The following ARID1B variants were observed in gnomAD, a reference collection of about 807,000 sequenced individuals.
ARID1B encodes the protein AT-rich interactive domain-containing protein 1B.
A neutral mutation model predicts 212.3 loss-of-function variants in ARID1B; 30 were observed. The ratio of observed to expected loss-of-function variants is 0.14; its 90% CI spans 0.11 to 0.19. ARID1B has a LOEUF of 0.19. Among genes scored for constraint, ARID1B ranks in the 10% least tolerant of loss-of-function variants. The pLI, the probability that ARID1B is intolerant of heterozygous loss-of-function variation, is 1.00. For missense variants in ARID1B, 2,891 were observed against 3,204.0 expected (o/e 0.90, Z 2.36); for synonymous variants, 1,402 against 1,301.7 (o/e 1.08, Z -1.66).
intron 4 of ARID1B, chr6:157,036,826 T>C (rs1165248389): frequency 6.0e-6 from 3 of 498,084 alleles, no homozygotes; most frequent in Admixed American, 4.6e-5. Flanking sequence ...TTTTTCCTTA[T>C]GATTTCAGGT....
intron 3 of ARID1B, among the ~76,000 whole-genome samples, chr6:156,920,067 C>T (rs999089235): frequency 3.3e-5 from 5 of 152,224 alleles, no homozygotes; most frequent in African/African-American, 1.2e-4. Flanking sequence ...GTTTTTAGTC[C>T]TAGTTCCCCA....
chr6:157,111,810 T>C (rs757031943), intron 6 of ARID1B, among the ~76,000 whole-genome samples: 6 of 152,202 alleles, frequency 3.9e-5, no homozygotes, highest in Non-Finnish European at 7.4e-5. Flanking sequence ...GTCGATAATA[T>C]AATGTTTTAA....
At chr6:157,165,647 G>A (rs1464241143) in intron 8 of ARID1B, among the ~76,000 whole-genome samples, 2 of 152,080 alleles carry the variant, frequency 1.3e-5, no homozygotes, top group East Asian at 1.9e-4. Flanking sequence ...TTAGGAGTTC[G>A]AGACTGGCCT....
intron 4 of ARID1B, among the ~76,000 whole-genome samples, chr6:157,037,657 GTAAGCTAT>G (rs1006194400): frequency 2.1e-4 from 32 of 152,184 alleles, no homozygotes; most frequent in African/African-American, 7.7e-4. Flanking sequence ...ATAAAAAATG[GTAAGCTAT>G]TAAAAGATTT....
Position 156,840,050 on chromosome 6 carries a change from A to G in ARID1B, c.1986+10629A>G, listed in dbSNP as rs192872378. 2.8e-3 allele frequency among the ~76,000 whole-genome samples: 419 copies of G among 152,246 alleles called. 3 individuals carry two copies. The highest frequency in any genetic ancestry group is 2.3e-3 in the Non-Finnish European group (159 of 68,010). On this transcript the variant is annotated intron_variant, in intron 2 of 19. Coordinates refer to ENST00000636930, the MANE Select transcript of ARID1B (RefSeq NM_001374828.1). ...CACAGAATTGTTCTCGACAGTTCCA[A>G]AGTTTTTCTTGTGTAGAAATTTCCC... is the stretch of plus-strand genomic sequence containing the variant.
chr6:156,968,380 T>C (rs1794917305), intron 4 of ARID1B, among the ~76,000 whole-genome samples: 1 of 152,236 alleles, frequency 6.6e-6, no homozygotes, highest in South Asian at 2.1e-4. Flanking sequence ...TTGGGGAAGA[T>C]GAATGCAGAA....
At chr6:156,979,520 T>G (rs1483526839) in intron 4 of ARID1B, among the ~76,000 whole-genome samples, 3 of 152,130 alleles carry the variant, frequency 2.0e-5, no homozygotes, top group African/African-American at 7.2e-5. Context: ...ACATTAGTGA[T>G]TTGCATGAAA....
At chr6:156,821,805 A>G (rs1782372669) in intron 1 of ARID1B, among the ~76,000 whole-genome samples, 1 of 152,198 alleles carries the variant, frequency 6.6e-6, no homozygotes, top group African/African-American at 2.4e-5. Flanking sequence ...CCATGGTTCC[A>G]CAAATACATA....
In ARID1B at chr6:157,084,201, T is replaced by A. The variant is rs372125014; in HGVS notation, c.2248-461T>A. Among the ~76,000 whole-genome samples, 26 of 150,908 alleles carry A rather than the reference T, an allele frequency of 1.7e-4. No homozygotes were observed. The South Asian group carries it at 5.3e-3, about 31-fold the overall frequency. On this transcript the variant is annotated intron_variant, in intron 4 of 19. Coordinates refer to ENST00000636930, the MANE Select transcript of ARID1B (RefSeq NM_001374828.1). ...GGTCAAAATTGTGACTGCTATTACA[T>A]TACAATATCCTAGTTTGAAATTCAC...
chr6:157,024,532 C>A (rs764301826), intron 4 of ARID1B: 2 of 152,142 alleles, frequency 1.3e-5, no homozygotes, highest in Non-Finnish European at 2.9e-5. Flanking sequence ...GAGACTGAGG[C>A]GGGCAGATCA....
chr6:157,049,207 A>AT (rs1415349881), intron 4 of ARID1B, among the ~76,000 whole-genome samples: 2 of 150,470 alleles, frequency 1.3e-5, no homozygotes, highest in Non-Finnish European at 3.0e-5. Context: ...TGCTGCCTTG[A>AT]TTTGCTGCTC....
intron 7 of ARID1B, among the ~76,000 whole-genome samples, chr6:157,134,463 C>A (rs765257304): frequency 2.6e-5 from 4 of 152,184 alleles, no homozygotes; most frequent in African/African-American, 9.6e-5. Context: ...CTGTATAGAG[C>A]CTCTCCTGCC....
At chr6:157,140,343 G>A (rs1445079749) in intron 7 of ARID1B, among the ~76,000 whole-genome samples, 1 of 151,966 alleles carries the variant, frequency 6.6e-6, no homozygotes, top group Admixed American at 6.6e-5. Flanking sequence ...GGTGGCACGC[G>A]CCTGTAATCC....
chr6:157,113,708 G>A (rs1483556255), intron 6 of ARID1B, among the ~76,000 whole-genome samples: 1 of 152,180 alleles, frequency 6.6e-6, no homozygotes, highest in Non-Finnish European at 1.5e-5. Flanking sequence ...AGATTTGGGT[G>A]GGGACACAAA....
intron 4 of ARID1B, among the ~76,000 whole-genome samples, chr6:156,968,996 C>T (rs912818734): frequency 4.6e-5 from 7 of 152,206 alleles, no homozygotes; most frequent in Admixed American, 1.3e-4. Context: ...GCTCCACATG[C>T]GCACAGTTGC....
chr6:156,986,556 T>C (rs1777929564), intron 4 of ARID1B, among the ~76,000 whole-genome samples: 1 of 152,202 alleles, frequency 6.6e-6, no homozygotes, highest in Admixed American at 6.5e-5. Context: ...TTCAGTTTCC[T>C]TACCTACAAA....
intron 4 of ARID1B, among the ~76,000 whole-genome samples, chr6:156,991,426 T>C (rs1053574381): frequency 6.6e-6 from 1 of 152,074 alleles, no homozygotes. Context: ...GAGATGGGGT[T>C]TCACCATGTT....
intron 2 of ARID1B, among the ~76,000 whole-genome samples, chr6:156,890,186 C>T (rs184002339): frequency 5.9e-5 from 9 of 152,260 alleles, no homozygotes; most frequent in African/African-American, 1.7e-4. Context: ...ATATTCACTC[C>T]GCAGAACATT....
intron 4 of ARID1B, among the ~76,000 whole-genome samples, chr6:157,063,343 AG>A (rs1242004737): frequency 6.6e-6 from 1 of 152,132 alleles, no homozygotes; most frequent in Admixed American, 6.5e-5. Flanking sequence ...CCACCTTAAG[AG>A]GCAGGTGCTC....
Sources: allele counts gnomAD v4.1 joint callset (sites outside exome capture counted in the v4.1 genomes callset), GRCh38; gene constraint gnomAD v4.1.1; transcripts MANE v1.5; gene names NCBI Gene and HGNC (gene_info 2026-07-23, HGNC 2026-07-21).